IL34: variants seen among roughly 807,000 people sequenced by gnomAD.
IL34 encodes the protein interleukin-34.
In IL34, 17 loss-of-function variants were observed where a neutral mutation model predicts 25.3. The observed-to-expected ratio is 0.67, with a 90% confidence interval of 0.46 to 1.01. The LOEUF (loss-of-function observed/expected upper bound fraction) is 1.01. IL34 is among the 50% of genes least tolerant of loss of function. IL34 has a pLI of 0.00. For missense variants in IL34, 368 were observed against 312.9 expected (o/e 1.18, Z -1.33); for synonymous variants, 174 against 140.9 (o/e 1.23, Z -1.66).
At chr16:70,586,293 G>A (rs1182149402) in intron 1 of IL34, among the ~76,000 whole-genome samples, 1 of 152,156 alleles carries the variant, frequency 6.6e-6, no homozygotes, top group African/African-American at 2.4e-5. Context: ...TCCCTTCAAG[G>A]CCTGGCCTGG....
intron 1 of IL34, among the ~76,000 whole-genome samples, chr16:70,586,756 A>G (rs890266987): frequency 6.6e-6 from 1 of 152,158 alleles, no homozygotes; most frequent in African/African-American, 2.4e-5. Context: ...GCTCCTTGCA[A>G]GGTGCAACTG....
chr16:70,580,614 C>G lies in IL34; in HGVS notation c.-401+565C>G, dbSNP rs571996857. 9.9e-5 allele frequency among the ~76,000 whole-genome samples: 15 copies of G among 152,132 alleles called. No homozygotes were observed. The South Asian group carries it at 2.5e-3, about 25-fold the overall frequency. On this transcript the variant is annotated intron_variant, in intron 1 of 6. Transcript: ENST00000429149. ...TGGCCAACAAGATGAAACCCTGTCT[C>G]TACTAAAAATACAAAAGTTAGCCGG...
At chr16:70,643,627 G>A (rs2151865577), upstream of IL34, among the ~76,000 whole-genome samples, 1 of 152,316 alleles carries the variant, frequency 6.6e-6, no homozygotes, top group Admixed American at 6.5e-5. Context: ...CCCCGGCCTT[G>A]GCCTCCCAAG....
intron 1 of IL34, among the ~76,000 whole-genome samples, chr16:70,636,892 T>A (rs998050458): frequency 6.6e-6 from 1 of 152,198 alleles, no homozygotes; most frequent in South Asian, 2.1e-4. Flanking sequence ...ATTTTATTTT[T>A]TTTTTGAGAC....
At chr16:70,620,566 C>T (rs2051260077) in intron 1 of IL34, among the ~76,000 whole-genome samples, 1 of 152,014 alleles carries the variant, frequency 6.6e-6, no homozygotes, top group Admixed American at 6.6e-5. Context: ...GACTCAGCGA[C>T]ACTTGGGGTT....
chr16:70,599,305 C>CTTTCTTCT (rs1253810022), intron 1 of IL34, among the ~76,000 whole-genome samples: 4,408 of 60,178 alleles, frequency 0.073, 202 homozygotes, highest in Admixed American at 0.18. Flanking sequence ...TCTTTCTTTC[C>CTTTCTTCT]TTCTTTCTTT....
chr16:70,658,834 T>G (rs911668209), intron 4 of IL34, among the ~76,000 whole-genome samples: 6 of 152,216 alleles, frequency 3.9e-5, no homozygotes, highest in Non-Finnish European at 7.3e-5. Context: ...TACAAGGACA[T>G]CAGGCATTGG....
chr16:70,657,194 C>T, intron 4 of IL34, 73 bp downstream of exon 4: 3 of 1,492,686 alleles, frequency 2.0e-6, no homozygotes, highest in African/African-American at 1.4e-5. Flanking sequence ...TGAGGTGTGG[C>T]CAAAGGCTAG....
At chr16:70,615,339 T>C (rs1177984319) in intron 1 of IL34, among the ~76,000 whole-genome samples, 1 of 152,012 alleles carries the variant, frequency 6.6e-6, no homozygotes, top group African/African-American at 2.4e-5. Context: ...AAACCCCGTC[T>C]CTACTAAAAG....
At chr16:70,587,344 A>G (rs1365388697) in intron 1 of IL34, among the ~76,000 whole-genome samples, 1 of 151,958 alleles carries the variant, frequency 6.6e-6, no homozygotes, top group Admixed American at 6.6e-5. Flanking sequence ...ATCTGAGCTC[A>G]CTGCAAGCTC....
At chr16:70,659,268 T>C (rs1387725724) in intron 4 of IL34, among the ~76,000 whole-genome samples, 1 of 152,250 alleles carries the variant, frequency 6.6e-6, no homozygotes, top group East Asian at 1.9e-4. Flanking sequence ...TGTCTGCTTC[T>C]TGAGGGACAG....
chr16:70,615,230 C>T (rs1490906940), intron 1 of IL34, among the ~76,000 whole-genome samples: 1 of 152,134 alleles, frequency 6.6e-6, no homozygotes, highest in Admixed American at 6.6e-5. Flanking sequence ...ATACACTGGC[C>T]AGGTGTGGTG....
At chr16:70,647,050 C>A in intron 1 of IL34, 75 bp downstream of exon 1, 2 of 1,259,194 alleles carry the variant, frequency 1.6e-6, no homozygotes, top group Non-Finnish European at 1.0e-6. Flanking sequence ...GTAACCATAG[C>A]AACCAGGGCA....
At chr16:70,656,852 G>C (rs748698856) in intron 3 of IL34, 108 bp from the exon 4 acceptor site, 1 of 1,282,270 alleles carries the variant, frequency 7.8e-7, no homozygotes, top group African/African-American at 1.5e-5. Flanking sequence ...TGTCCACAGC[G>C]GACGGCCCGC....
intron 1 of IL34, among the ~76,000 whole-genome samples, chr16:70,597,010 C>T (rs954691491): frequency 1.5e-4 from 23 of 152,202 alleles, no homozygotes; most frequent in Middle Eastern, 3.4e-3. Flanking sequence ...AGAGGCCGTC[C>T]CCAGCTCAAC....
chr16:70,639,493 G>A (rs1480580740), intron 1 of IL34, among the ~76,000 whole-genome samples: 1 of 152,218 alleles, frequency 6.6e-6, no homozygotes, highest in Non-Finnish European at 1.5e-5. Flanking sequence ...ACAATTAGCA[G>A]CCCTCAGTGA....
At chr16:70,651,718 G>A (rs2052083120) in intron 1 of IL34, among the ~76,000 whole-genome samples, 2 of 151,552 alleles carry the variant, frequency 1.3e-5, no homozygotes, top group South Asian at 2.1e-4. Flanking sequence ...GCTCATAGCT[G>A]GGGGTGGCTC....
chr16:70,609,676 G>C (rs1292613301), intron 1 of IL34, among the ~76,000 whole-genome samples: 1 of 152,166 alleles, frequency 6.6e-6, no homozygotes, highest in Non-Finnish European at 1.5e-5. Flanking sequence ...ACAGCCTGGA[G>C]GTGTATGGCT....
intron 1 of IL34, among the ~76,000 whole-genome samples, chr16:70,608,123 TTTC>T (rs1270775262): frequency 0.061 from 8,151 of 133,682 alleles, 333 homozygotes; most frequent in Non-Finnish European, 0.072. Context: ...GATTTTCTTT[TTTC>T]TTTTTTTTTT....
Sources: gnomAD v4.1 joint callset for allele counts (sites outside exome capture counted in the v4.1 genomes callset) on GRCh38, gnomAD v4.1.1 for gene constraint, MANE v1.5 for transcripts, NCBI Gene and HGNC (gene_info 2026-07-23, HGNC 2026-07-21) for gene names.